The following KASH5 variants were observed in gnomAD, a reference collection of about 807,000 sequenced individuals.
The protein encoded by KASH5 is KASH domain containing 5, also known as protein KASH5.
KASH5 carries 72 observed loss-of-function variants against 84.2 expected under a neutral mutation model. The observed-to-expected ratio is 0.85, with a 90% confidence interval of 0.71 to 1.04. The LOEUF is 1.04. KASH5 is among the 50% of genes least tolerant of loss of function. The pLI is 0.00. For missense variants in KASH5, 650 were observed against 701.0 expected (o/e 0.93, Z 0.82); for synonymous variants, 260 against 279.1 (o/e 0.93, Z 0.68).
At position 49,395,210 on chromosome 19, in the gene KASH5, G is replaced by A. The variant is rs1207514475; in HGVS notation, c.253G>A (p.Gly85Arg). 6.2e-7 allele frequency: 1 copy of A among 1,612,114 alleles called. No homozygotes were observed. The highest frequency in any genetic ancestry group is 8.5e-7 in the Non-Finnish European group (1 of 1,179,114). The change falls in exon 4 of 20, where the codon GGG becomes AGG. Residue 85 changes from glycine (G) to arginine (R), a missense_variant. Physicochemically the swap from Gly to Arg is moderately radical, Grantham distance 125. Coordinates refer to ENST00000447857, the MANE Select transcript of KASH5 (RefSeq NM_144688.5). The surrounding 1 kb of genome is among the most constrained non-coding windows in gnomAD (Gnocchi z 4.4). ...QTLANSLDPN[G>R]EGPKATVDLD... ...ATTGGCCAACAGCCTGGACCCCAAT[G>A]GGGAGGGCCCTAAGGCCACTGTGGA...
chr19:49,396,795 G>C (rs1320777264), intron 5 of KASH5, among the ~76,000 whole-genome samples: 1 of 152,074 alleles, frequency 6.6e-6, no homozygotes, highest in Non-Finnish European at 1.5e-5. Flanking sequence ...TTACAGGCGT[G>C]AGCCTGTAAT....
Position 49,393,682 on chromosome 19 carries a change from C to CGTGTGT in KASH5, c.44-761_44-756dup, listed in dbSNP as rs34539350. On this transcript the variant is annotated intron_variant, in intron 2 of 19. Transcript: ENST00000447857. ...AACAGTAGACAAATAGACCCCAGGA[C>CGTGTGT]GTGTGTGTGTGTGTGTGTGTGTGTG... 1,132 of 142,518 alleles carry CGTGTGT rather than the reference C, an allele frequency of 7.9e-3. 10 individuals carry two copies. The highest frequency in any genetic ancestry group is 0.034 in the South Asian group (148 of 4,306). 8.8% of individuals were successfully genotyped at this position (142,518 alleles called of 1,614,324 possible). A position where few individuals can be genotyped will look rare whatever the true frequency, so the allele number is the denominator to read the frequency against.
At chr19:49,393,568 G>A in intron 2 of KASH5, 1 of 152,472 alleles carries the variant, frequency 6.6e-6, no homozygotes, top group Non-Finnish European at 1.5e-5. Flanking sequence ...GAGAGGCTGG[G>A]CCAGCCCAGT....
intron 2 of KASH5, among the ~76,000 whole-genome samples, chr19:49,392,672 G>A (rs534536428): frequency 3.3e-5 from 5 of 152,254 alleles, no homozygotes; most frequent in African/African-American, 9.6e-5. Flanking sequence ...AGCACTTTGC[G>A]AGGCCAAGGT....
intron 9 of KASH5, among the ~76,000 whole-genome samples, chr19:49,404,433 G>A (rs10426452): frequency 0.32 from 47,888 of 151,928 alleles, 7,839 homozygotes; most frequent in South Asian, 0.49. Flanking sequence ...TGCCCTCTCC[G>A]GCCTATTGTT....
In KASH5 at chr19:49,413,045, C is replaced by T. The variant is rs766277819; in HGVS notation, c.1328+19C>T. 6.8e-6 allele frequency: 11 copies of T among 1,609,918 alleles called. No homozygotes were observed. The East Asian group carries it at 8.9e-5, about 13-fold the overall frequency. ...CCATGTGGTAAGGAGCTGAGCCATC[C>T]GTCTGCCTCAGGGTGACACCTTATT... On this transcript the variant is annotated intron_variant, in intron 16 of 19. Transcript: ENST00000447857.
chr19:49,397,555 G>C lies in KASH5; in HGVS notation c.401-96G>C, dbSNP rs369926993. The stretch of plus-strand genomic sequence containing the variant: ...ATGAGATTCTCCAGAGCACAGGTGA[G>C]GGTGGAGGCAGATGGAGTCCAACCT... On this transcript the variant is annotated intron_variant, in intron 5 of 19. Coordinates refer to ENST00000447857, the MANE Select transcript of KASH5 (RefSeq NM_144688.5). 1,625 of 1,051,200 alleles carry C rather than the reference G, an allele frequency of 1.5e-3. 29 individuals are homozygous for C. In the South Asian group the frequency reaches 0.021, roughly 14 times the overall value. 65.1% of individuals were successfully genotyped at this position (1,051,200 alleles called of 1,614,324 possible). A position where few individuals can be genotyped will look rare whatever the true frequency, so the allele number is the denominator to read the frequency against.
At position 49,414,529 on chromosome 19, in the gene KASH5, T is replaced by C. The variant is rs890119465; in HGVS notation, c.1329-422T>C. Among the ~76,000 whole-genome samples, 6 of 152,052 alleles carry C rather than the reference T, an allele frequency of 3.9e-5. No homozygotes were observed. Among genetic ancestry groups the C allele is most frequent in the African/African-American group, 7.3e-5 (3 of 41,370 alleles). Reference sequence around the variant, plus strand: ...TTGGAGGGTGAGAGAGCCAGAAGCCTCAGTTCCCAGCTGGGGGATCTGCTG... The same window carrying C: ...TTGGAGGGTGAGAGAGCCAGAAGCCCCAGTTCCCAGCTGGGGGATCTGCTG... On this transcript the variant is annotated intron_variant, in intron 16 of 19. Coordinates refer to ENST00000447857, the MANE Select transcript of KASH5 (RefSeq NM_144688.5). This position sits in a 1 kb window ranked among gnomAD's most constrained non-coding sequence, Gnocchi z 4.5.
intron 1 of KASH5, among the ~76,000 whole-genome samples, chr19:49,388,730 A>G (rs1973894641): frequency 6.6e-6 from 1 of 151,852 alleles, no homozygotes; most frequent in African/African-American, 2.4e-5. Flanking sequence ...ATCCCCTCAG[A>G]TATACTGAAA....
At position 49,395,550 on chromosome 19, in the gene KASH5, C is replaced by A; in HGVS notation, c.336-219C>A. 1.6e-6 allele frequency: 1 copy of A among 619,690 alleles called. No homozygotes were observed. The highest frequency in any genetic ancestry group is 2.0e-5 in the South Asian group (1 of 49,824). 38.4% of individuals were successfully genotyped at this position (619,690 alleles called of 1,614,324 possible). A position where few individuals can be genotyped will look rare whatever the true frequency, so the allele number is the denominator to read the frequency against. ...GGAGAAGGGAGGAGTTTGGGGCTGA[C>A]AGAGGTCCCTCCCCAACCCTTCACC... is the stretch of plus-strand genomic sequence containing the variant. On this transcript the variant is annotated intron_variant, in intron 4 of 19. Coordinates refer to ENST00000447857, the MANE Select transcript of KASH5 (RefSeq NM_144688.5). This position sits in a 1 kb window ranked among gnomAD's most constrained non-coding sequence, Gnocchi z 4.4.
intron 7 of KASH5, 53 bp from the exon 8 acceptor site, chr19:49,398,972 C>T: frequency 7.4e-7 from 1 of 1,359,722 alleles, no homozygotes; most frequent in South Asian, 1.3e-5. Flanking sequence ...TGTCTCTGTG[C>T]TTCTCTGCCT....
chr19:49,399,521 CA>C lies in KASH5; in HGVS notation c.798+15del. 6.2e-7 allele frequency: 1 copy of C among 1,601,302 alleles called. No individual in the cohort carries two copies. Among genetic ancestry groups the C allele is most frequent in the African/African-American group, 1.3e-5 (1 of 74,854 alleles). On this transcript the variant is annotated intron_variant, in intron 9 of 19. Transcript: ENST00000447857. This position sits in a 1 kb window ranked among gnomAD's most constrained non-coding sequence, Gnocchi z 4.4. ...CTGCAGGAGGAGGTGAGCGGAGGCC[CA>C]GCACCACCCCCACCCCTTCCCCAGT...
intron 3 of KASH5, 125 bp from the exon 4 acceptor site, chr19:49,394,981 C>A: frequency 1.4e-6 from 1 of 706,976 alleles, no homozygotes; most frequent in Non-Finnish European, 2.3e-6. Flanking sequence ...CAGTGTGTCT[C>A]CACTGGGCCA....
intron 9 of KASH5, among the ~76,000 whole-genome samples, chr19:49,402,270 G>A (rs769399336): frequency 2.7e-5 from 4 of 149,920 alleles, no homozygotes; most frequent in Admixed American, 6.6e-5. Context: ...AAAACTTTCC[G>A]GCTGGGCATG....
At chr19:49,413,702 T>G (rs1600955348) in intron 16 of KASH5, among the ~76,000 whole-genome samples, 1 of 152,104 alleles carries the variant, frequency 6.6e-6, no homozygotes, top group Non-Finnish European at 1.5e-5. Context: ...GGGAGGCAGG[T>G]GCCATGCGAG....
intron 9 of KASH5, among the ~76,000 whole-genome samples, chr19:49,400,090 A>G (rs1313452486): frequency 2.0e-5 from 3 of 151,980 alleles, no homozygotes; most frequent in Non-Finnish European, 4.4e-5. Context: ...TAAGCCAGGC[A>G]TGGTAGTGTG....
chr19:49,413,165 G>C (rs556399051), intron 16 of KASH5, 139 bp downstream of exon 16: 1 of 819,708 alleles, frequency 1.2e-6, no homozygotes, highest in African/African-American at 1.7e-5. Context: ...GCAGAACCTG[G>C]GCCTGTAGGC....
intron 9 of KASH5, among the ~76,000 whole-genome samples, chr19:49,401,098 T>A (rs1462453264): frequency 6.6e-6 from 1 of 152,212 alleles, no homozygotes; most frequent in African/African-American, 2.4e-5. Flanking sequence ...GAGGCCCGCA[T>A]TGCCTTTGGA....
chr19:49,394,796 G>A (rs759760910), intron 3 of KASH5: 6 of 593,298 alleles, frequency 1.0e-5, no homozygotes, highest in Non-Finnish European at 1.8e-5. Flanking sequence ...GTTGATGGAA[G>A]AGGGCAGAGT....
Sources: gnomAD v4.1 joint callset for allele counts (sites outside exome capture counted in the v4.1 genomes callset) on GRCh38, gnomAD v4.1.1 for gene constraint, Gnocchi (gnomAD v3.1) non-coding constraint, MANE v1.5 for transcripts, NCBI Gene and HGNC (gene_info 2026-07-23, HGNC 2026-07-21) for gene names.